FRMD4A: variants seen among roughly 807,000 people sequenced by gnomAD.
FRMD4A encodes FERM domain-containing protein 4A.
A neutral mutation model predicts 129.1 loss-of-function variants in FRMD4A; 29 were observed. That is an observed-to-expected ratio of 0.22 (90% CI 0.17 to 0.31). The LOEUF is 0.31. Among genes scored for constraint, FRMD4A ranks in the 10% least tolerant of loss-of-function variants. The pLI is 1.00. For synonymous variants in FRMD4A, 634 were observed against 571.6 expected, an observed-to-expected ratio of 1.11 and a Z score of -1.56; for missense variants, 1,272 against 1,375.8, an observed-to-expected ratio of 0.92 and a Z score of 1.19.
At chr10:14,015,987 T>C (rs1464930142) in intron 2 of FRMD4A, among the ~76,000 whole-genome samples, 1 of 152,168 alleles carries the variant, frequency 6.6e-6, no homozygotes, top group African/African-American at 2.4e-5. Context: ...CTACAACGGA[T>C]CAAGTGCTGA....
intron 2 of FRMD4A, chr10:13,890,571 C>A (rs1279212344): frequency 7.1e-6 from 7 of 984,312 alleles, no homozygotes; most frequent in Non-Finnish European, 8.4e-6. Flanking sequence ...CACCACTGAC[C>A]AGCTCAGACT....
chr10:13,724,805 C>T (rs933467527), intron 12 of FRMD4A, among the ~76,000 whole-genome samples: 6 of 152,192 alleles, frequency 3.9e-5, no homozygotes, highest in South Asian at 2.1e-4. Flanking sequence ...TGCTGGTCCA[C>T]GTGCCTTTTC....
intron 2 of FRMD4A, among the ~76,000 whole-genome samples, chr10:14,216,075 G>C (rs1843066365): frequency 6.6e-6 from 1 of 152,156 alleles, no homozygotes; most frequent in Non-Finnish European, 1.5e-5. Context: ...GCCATGTTGT[G>C]CTGCTTTTGG....
intron 13 of FRMD4A, among the ~76,000 whole-genome samples, chr10:13,705,391 T>G (rs893801871): frequency 6.6e-6 from 1 of 152,016 alleles, no homozygotes; most frequent in African/African-American, 2.4e-5. Context: ...GTTAAAGGAT[T>G]TGTCCAAGGT....
At chr10:14,086,285 T>C (rs960813954) in intron 2 of FRMD4A, among the ~76,000 whole-genome samples, 2 of 152,252 alleles carry the variant, frequency 1.3e-5, no homozygotes, top group African/African-American at 4.8e-5. Context: ...AGCCCACTTG[T>C]ATGCCTTCCG....
intron 2 of FRMD4A, among the ~76,000 whole-genome samples, chr10:13,969,063 G>A (rs969524711): frequency 6.6e-6 from 1 of 152,228 alleles, no homozygotes; most frequent in Non-Finnish European, 1.5e-5. Flanking sequence ...TGCTGACCAT[G>A]GGTTGGTAAT....
intron 2 of FRMD4A, among the ~76,000 whole-genome samples, chr10:14,239,152 T>G (rs1843939619): frequency 6.6e-6 from 1 of 152,172 alleles, no homozygotes; most frequent in Non-Finnish European, 1.5e-5. Context: ...GACTTTACTT[T>G]TCATCTGTGG....
chr10:14,102,942 T>G (rs1298561671), intron 2 of FRMD4A, among the ~76,000 whole-genome samples: 4 of 151,684 alleles, frequency 2.6e-5, no homozygotes, highest in Non-Finnish European at 5.9e-5. Context: ...GCATGGGAGG[T>G]TTCATGTGGG....
At chr10:14,003,677 GCA>G (rs1565174634) in intron 2 of FRMD4A, 1 of 151,260 alleles carries the variant, frequency 6.6e-6, no homozygotes, top group Non-Finnish European at 1.5e-5. Flanking sequence ...AACTACAGCA[GCA>G]GAGAATACAG....
At chr10:14,028,562 C>A (rs938042355) in intron 2 of FRMD4A, among the ~76,000 whole-genome samples, 1 of 152,000 alleles carries the variant, frequency 6.6e-6, no homozygotes, top group African/African-American at 2.4e-5. Flanking sequence ...TTATGAAAAT[C>A]CAGATATTAA....
chr10:14,014,412 AT>A (rs758523353), intron 2 of FRMD4A, among the ~76,000 whole-genome samples: 1 of 152,218 alleles, frequency 6.6e-6, no homozygotes, highest in Non-Finnish European at 1.5e-5. Flanking sequence ...CAAAAAGTAC[AT>A]TCTTAAAAGA....
At chr10:13,795,679 G>T (rs1475321010) in intron 5 of FRMD4A, among the ~76,000 whole-genome samples, 1 of 152,142 alleles carries the variant, frequency 6.6e-6, no homozygotes, top group East Asian at 1.9e-4. Context: ...TAATTGTGTT[G>T]CAATCAAGGT....
intron 12 of FRMD4A, among the ~76,000 whole-genome samples, chr10:13,722,544 C>A (rs1588427224): frequency 6.6e-6 from 1 of 152,046 alleles, no homozygotes; most frequent in Non-Finnish European, 1.5e-5. Flanking sequence ...CTGTGGCTGG[C>A]CTCATTGGGA....
chr10:14,309,494 G>A (rs530646673), intron 2 of FRMD4A, among the ~76,000 whole-genome samples: 25 of 152,096 alleles, frequency 1.6e-4, no homozygotes, highest in Admixed American at 8.5e-4. Flanking sequence ...CAACAAAACC[G>A]TATAGAGTCA....
In FRMD4A at chr10:13,925,062, T is replaced by TAAAAAAA. The variant is rs57484737; in HGVS notation, c.46-66157_46-66151dup. On this transcript the variant is annotated intron_variant, in intron 2 of 24. Transcript: ENST00000357447. ...TCTGGTGACAGTGCGAGACTCCGTG[T>TAAAAAAA]AAAAAAAAAAAAAAAAAAAAGAATG... 5.4e-3 allele frequency among the ~76,000 whole-genome samples: 556 copies of TAAAAAAA among 103,142 alleles called. 9 individuals carry two copies. Among genetic ancestry groups the TAAAAAAA allele is most frequent in the African/African-American group, 0.014 (363 of 26,642 alleles). 67.7% of individuals were successfully genotyped at this position (103,142 alleles called of 152,430 possible). A position where few individuals can be genotyped will look rare whatever the true frequency, so the allele number is the denominator to read the frequency against.
At chr10:13,791,191 C>T (rs1289373611) in intron 5 of FRMD4A, among the ~76,000 whole-genome samples, 1 of 152,128 alleles carries the variant, frequency 6.6e-6, no homozygotes, top group African/African-American at 2.4e-5. Flanking sequence ...TAAGCAGCAA[C>T]ATCTTCTTAG....
intron 13 of FRMD4A, among the ~76,000 whole-genome samples, chr10:13,704,157 G>A (rs1368707865): frequency 6.6e-6 from 1 of 152,180 alleles, no homozygotes; most frequent in African/African-American, 2.4e-5. Flanking sequence ...GAGAAAAAAG[G>A]CACCACTAGG....
At chr10:14,190,549 C>T (rs1057253675) in intron 2 of FRMD4A, among the ~76,000 whole-genome samples, 2 of 152,150 alleles carry the variant, frequency 1.3e-5, no homozygotes. Flanking sequence ...GCTATCACAC[C>T]TGGCTAATAA....
intron 2 of FRMD4A, among the ~76,000 whole-genome samples, chr10:13,990,716 A>G (rs2095600257): frequency 6.6e-6 from 1 of 151,986 alleles, no homozygotes; most frequent in African/African-American, 2.4e-5. Context: ...TAGGACGGTG[A>G]CCTCTCCGAT....
Sources: gnomAD v4.1 joint callset for allele counts (sites outside exome capture counted in the v4.1 genomes callset) on GRCh38, gnomAD v4.1.1 for gene constraint, MANE v1.5 for transcripts, NCBI Gene and HGNC (gene_info 2026-07-23, HGNC 2026-07-21) for gene names.